Variants in SGCZ observed in about 807,000 individuals in gnomAD.
SGCZ encodes the protein zeta-sarcoglycan.
A neutral mutation model predicts 41.3 loss-of-function variants in SGCZ; 40 were observed. The observed-to-expected ratio is 0.97, with a 90% confidence interval of 0.75 to 1.26. SGCZ has a LOEUF of 1.26. Ranked by LOEUF, SGCZ falls within the 50% of genes most tolerant of loss-of-function variation. The pLI, the probability that SGCZ is intolerant of heterozygous loss-of-function variation, is 0.00. For synonymous variants in SGCZ, 206 were observed against 137.5 expected, an observed-to-expected ratio of 1.50 and a Z score of -3.49; for missense variants, 552 against 369.8, an observed-to-expected ratio of 1.49 and a Z score of -4.04.
intron 1 of SGCZ, among the ~76,000 whole-genome samples, chr8:14,858,265 G>C (rs1585323703): frequency 1.3e-5 from 2 of 151,792 alleles, no homozygotes; most frequent in South Asian, 4.1e-4. Flanking sequence ...TAATTAATTT[G>C]CTTCACAATA....
chr8:14,236,452 AAAAAAACCT>A (rs1806765222), intron 4 of SGCZ, among the ~76,000 whole-genome samples: 1 of 152,008 alleles, frequency 6.6e-6, no homozygotes, highest in Admixed American at 6.6e-5. Flanking sequence ...CAAATATTTA[AAAAAAACCT>A]ACAAATTAAG....
At chr8:14,482,585 T>C (rs1801564015) in intron 2 of SGCZ, among the ~76,000 whole-genome samples, 1 of 152,156 alleles carries the variant, frequency 6.6e-6, no homozygotes, top group Admixed American at 6.5e-5. Context: ...TCGACTTGAC[T>C]GGGTTACAGG....
intron 1 of SGCZ, among the ~76,000 whole-genome samples, chr8:14,620,372 G>A (rs547998178): frequency 6.6e-6 from 1 of 152,180 alleles, no homozygotes; most frequent in Non-Finnish European, 1.5e-5. Flanking sequence ...TCAGGTCATA[G>A]GCATGGAGAA....
intron 3 of SGCZ, among the ~76,000 whole-genome samples, chr8:14,276,871 G>A (rs950969128): frequency 6.6e-6 from 1 of 152,110 alleles, no homozygotes; most frequent in Non-Finnish European, 1.5e-5. Context: ...AACTTTGAAA[G>A]TTTACTTCAT....
At chr8:14,962,912 T>A (rs1177576681) in intron 1 of SGCZ, among the ~76,000 whole-genome samples, 2 of 152,146 alleles carry the variant, frequency 1.3e-5, no homozygotes, top group East Asian at 3.9e-4. Flanking sequence ...AAATCCATAT[T>A]AAATGTCACT....
intron 1 of SGCZ, among the ~76,000 whole-genome samples, chr8:14,619,093 A>C (rs577765811): frequency 6.6e-6 from 1 of 152,242 alleles, no homozygotes; most frequent in East Asian, 1.9e-4. Flanking sequence ...CCTGACACTG[A>C]GTAATTTATA....
At chr8:14,401,485 T>G (rs973937610) in intron 2 of SGCZ, among the ~76,000 whole-genome samples, 3 of 134,510 alleles carry the variant, frequency 2.2e-5, no homozygotes, top group African/African-American at 8.5e-5. Flanking sequence ...CCCCTTCCTG[T>G]GTCCACGTGA....
chr8:14,675,824 T>A (rs1808259991), intron 1 of SGCZ, among the ~76,000 whole-genome samples: 1 of 152,176 alleles, frequency 6.6e-6, no homozygotes, highest in Non-Finnish European at 1.5e-5. Context: ...TTGCATGGAA[T>A]GAATTTCCAA....
At chr8:14,567,160 G>T (rs988497696) in intron 1 of SGCZ, among the ~76,000 whole-genome samples, 1 of 152,212 alleles carries the variant, frequency 6.6e-6, no homozygotes, top group Non-Finnish European at 1.5e-5. Flanking sequence ...AGCCCCCCCA[G>T]GGAGTCGCCC....
rs146814159 is a variant in SGCZ at position 14,652,196 on chromosome 8, C to T, written c.40-97270G>A. On this transcript the variant is annotated intron_variant, in intron 1 of 7. Transcript: ENST00000382080. Reference sequence around the variant, plus strand: ...GTCTCTACTGAAAATACAAAATTAGCTGGGCGTGGTGGCGAATGCATGTAA... The same window carrying T: ...GTCTCTACTGAAAATACAAAATTAGTTGGGCGTGGTGGCGAATGCATGTAA... Among the ~76,000 whole-genome samples the T allele has an allele frequency of 4.7e-3, 710 of 151,470 alleles. 6 individuals are homozygous for T. Among genetic ancestry groups the T allele is most frequent in the African/African-American group, 0.016 (666 of 41,226 alleles).
intron 2 of SGCZ, among the ~76,000 whole-genome samples, chr8:14,475,812 A>G (rs553489353): frequency 1.3e-5 from 2 of 152,148 alleles, no homozygotes; most frequent in Non-Finnish European, 2.9e-5. Flanking sequence ...TACAATGTTG[A>G]ATATACACAT....
At chr8:14,889,660 T>C (rs1247152119) in intron 1 of SGCZ, among the ~76,000 whole-genome samples, 1 of 152,092 alleles carries the variant, frequency 6.6e-6, no homozygotes. Context: ...TGTGAAAATG[T>C]TCACAAATAT....
intron 3 of SGCZ, among the ~76,000 whole-genome samples, chr8:14,269,386 T>G (rs1462950262): frequency 1.0e-5 from 1 of 100,170 alleles, no homozygotes; most frequent in Non-Finnish European, 2.2e-5. Context: ...TCTAATTCCT[T>G]AGCATAAATT....
intron 5 of SGCZ, among the ~76,000 whole-genome samples, chr8:14,109,072 T>G (rs905535435): frequency 9.9e-5 from 15 of 152,210 alleles, no homozygotes; most frequent in African/African-American, 2.7e-4. Flanking sequence ...CTCCCACCTT[T>G]GATTACAGTA....
intron 1 of SGCZ, among the ~76,000 whole-genome samples, chr8:15,149,711 C>CA (rs750167614): frequency 0.31 from 17,491 of 57,066 alleles, 1,819 homozygotes; most frequent in African/African-American, 0.33. Context: ...CTATAAACTA[C>CA]AAAAAAAAAA....
intron 1 of SGCZ, among the ~76,000 whole-genome samples, chr8:14,627,973 C>T (rs1431155600): frequency 6.6e-6 from 1 of 152,004 alleles, no homozygotes; most frequent in African/African-American, 2.4e-5. Context: ...TGTGAAGAAT[C>T]TTTGATATTA....
intron 1 of SGCZ, among the ~76,000 whole-genome samples, chr8:15,122,794 A>G (rs991631908): frequency 2.0e-5 from 3 of 152,208 alleles, no homozygotes; most frequent in African/African-American, 2.4e-5. Context: ...TGTTGGTTCA[A>G]TTTCACCTTT....
At chr8:14,301,615 A>T (rs190987797) in intron 3 of SGCZ, among the ~76,000 whole-genome samples, 37 of 152,216 alleles carry the variant, frequency 2.4e-4, no homozygotes, top group Admixed American at 1.3e-4. Context: ...TAATAGAATA[A>T]CTGTACTTGC....
intron 2 of SGCZ, among the ~76,000 whole-genome samples, chr8:14,433,767 T>A (rs2117344849): frequency 6.6e-6 from 1 of 152,310 alleles, no homozygotes; most frequent in African/African-American, 2.4e-5. Context: ...TTCTTGGAAT[T>A]ATTTCTAAGC....
Sources: allele counts gnomAD v4.1 joint callset (sites outside exome capture counted in the v4.1 genomes callset), GRCh38; gene constraint gnomAD v4.1.1; transcripts MANE v1.5; gene names NCBI Gene and HGNC (gene_info 2026-07-23, HGNC 2026-07-21).